The following SPAG17 variants were observed in gnomAD, a reference collection of about 807,000 sequenced individuals.
SPAG17 encodes sperm-associated antigen 17.
SPAG17 carries 169 observed loss-of-function variants against 273.6 expected under a neutral mutation model. The observed-to-expected ratio is 0.62, with a 90% CI of 0.55 to 0.70. The LOEUF is 0.70. Ranked by LOEUF, SPAG17 falls within the 30% of genes least tolerant of loss-of-function variation. SPAG17 has a pLI of 0.00. For synonymous variants in SPAG17, 825 were observed against 873.2 expected (o/e 0.94, Z 0.97); for missense variants, 2,557 against 2,627.8 (o/e 0.97, Z 0.59).
chr1:118,086,315 A>C (rs1050075823), intron 12 of SPAG17, among the ~76,000 whole-genome samples: 1 of 152,162 alleles, frequency 6.6e-6, no homozygotes, highest in Admixed American at 6.5e-5. Flanking sequence ...AAACTGCCAA[A>C]GTCTCATATA....
At chr1:118,074,484 A>G in intron 16 of SPAG17, 55 bp downstream of exon 16, 1 of 1,434,510 alleles carries the variant, frequency 7.0e-7, no homozygotes, top group Non-Finnish European at 9.8e-7. Context: ...ACTCCAAGTC[A>G]TGGTTTTTCT....
intron 10 of SPAG17, among the ~76,000 whole-genome samples, chr1:118,089,010 A>G (rs986245827): frequency 1.3e-5 from 2 of 152,224 alleles, no homozygotes; most frequent in Non-Finnish European, 2.9e-5. Flanking sequence ...GAACAAGACT[A>G]CATTGTTACT....
At chr1:117,998,580 G>C (rs1302599250) in intron 32 of SPAG17, among the ~76,000 whole-genome samples, 9 of 151,978 alleles carry the variant, frequency 5.9e-5, no homozygotes, top group Admixed American at 5.9e-4. Flanking sequence ...AGCTTTTTCT[G>C]ATTCTGTGAA....
chr1:118,086,039 G>A lies in SPAG17; in HGVS notation c.1645C>T (p.Gln549Ter), dbSNP rs368870563. ...AGTGGCAACTTGGACTGCATCTCCT[G>A]CTCAATTTGAACTGGATCAAAATTC... ...QKNFDPVQIE[Q>*]EMQSKLPLWE... Residue 549 changes from glutamine (Q) to a stop codon, truncating the protein, a stop_gained, in exon 13 of 49, where the codon CAG (glutamine) becomes TAG (stop). Transcript: ENST00000336338. LOFTEE classifies it high-confidence loss of function. The A allele has an allele frequency of 3.7e-6, 6 of 1,613,496 alleles. No homozygotes were observed. The highest frequency in any genetic ancestry group is 2.7e-5 in the African/African-American group (2 of 74,858).
chr1:118,103,487 T>C (rs1656197456), intron 4 of SPAG17, among the ~76,000 whole-genome samples: 1 of 152,074 alleles, frequency 6.6e-6, no homozygotes, highest in Non-Finnish European at 1.5e-5. Context: ...CAGGTATCAC[T>C]CACAAACACT....
chr1:118,023,054 A>G (rs1019914924), intron 28 of SPAG17, among the ~76,000 whole-genome samples: 3 of 152,186 alleles, frequency 2.0e-5, no homozygotes, highest in Non-Finnish European at 4.4e-5. Flanking sequence ...TAGGCATTAT[A>G]CCTGATGTGC....
rs115457765 is a variant in SPAG17, at chr1:117,958,467, A to C, written c.*1-4418T>G. 6.5e-3 allele frequency among the ~76,000 whole-genome samples: 989 copies of C among 152,300 alleles called. 8 individuals carry two copies. The highest frequency in any genetic ancestry group is 0.022 in the African/African-American group (932 of 41,562). On this transcript the variant is annotated intron_variant, in intron 48 of 48. Transcript: ENST00000336338. The stretch of plus-strand genomic sequence containing the variant: ...ATGGGTACTACCTGACAGGTATGGT[A>C]GGGTCATCAAGGATATCTTGGTACT...
chr1:118,145,041 C>T (rs764014293), intron 3 of SPAG17, among the ~76,000 whole-genome samples: 34 of 152,202 alleles, frequency 2.2e-4, no homozygotes, highest in Non-Finnish European at 4.4e-4. Flanking sequence ...TTTTAAAGCG[C>T]GGGATTGAAA....
At chr1:117,991,657 T>G (rs1292297340) in intron 36 of SPAG17, 129 bp from the exon 37 acceptor site, 5 of 538,640 alleles carry the variant, frequency 9.3e-6, no homozygotes, top group Non-Finnish European at 1.6e-5. Context: ...CAACAACTGT[T>G]TACTAGTCAA....
chr1:118,157,114 T>C (rs940046194), intron 1 of SPAG17, among the ~76,000 whole-genome samples: 1 of 152,170 alleles, frequency 6.6e-6, no homozygotes, highest in Non-Finnish European at 1.5e-5. Flanking sequence ...ACTAAGGAGA[T>C]GACAAACACT....
rs553732564 is a variant in SPAG17 at position 118,174,386 on chromosome 1, T to C, written c.87+10685A>G. Among the ~76,000 whole-genome samples, 9 of 152,230 alleles carry C rather than the reference T, an allele frequency of 5.9e-5. No homozygotes were observed. The East Asian group carries it at 1.5e-3, about 26-fold the overall frequency. Reference sequence around the variant, plus strand: ...AGACTTGATGAGACAGAGGAAATAATCAGTGAACTCGAAGACAGACCATTT... The same window carrying C: ...AGACTTGATGAGACAGAGGAAATAACCAGTGAACTCGAAGACAGACCATTT... On this transcript the variant is annotated intron_variant, in intron 1 of 48. Coordinates refer to ENST00000336338, the MANE Select transcript of SPAG17 (RefSeq NM_206996.4).
chr1:118,116,573 T>C (rs1249210297), intron 3 of SPAG17, among the ~76,000 whole-genome samples: 2 of 152,150 alleles, frequency 1.3e-5, no homozygotes, highest in Non-Finnish European at 2.9e-5. Flanking sequence ...ACCAGTCCAG[T>C]TGCTTTTGAC....
intron 23 of SPAG17, among the ~76,000 whole-genome samples, chr1:118,038,543 G>A (rs1201517384): frequency 6.6e-6 from 1 of 152,012 alleles, no homozygotes; most frequent in Non-Finnish European, 1.5e-5. Context: ...TAGGTGGGTG[G>A]GAAAATAAAA....
intron 43 of SPAG17, among the ~76,000 whole-genome samples, chr1:117,978,954 A>C (rs974400279): frequency 5.0e-4 from 74 of 148,148 alleles, no homozygotes; most frequent in African/African-American, 1.8e-3. Flanking sequence ...TGCAACCTCT[A>C]CCTCCCTGGT....
At chr1:118,183,615 G>A (rs1054355365) in intron 1 of SPAG17, among the ~76,000 whole-genome samples, 3 of 152,156 alleles carry the variant, frequency 2.0e-5, no homozygotes, top group Non-Finnish European at 2.9e-5. Context: ...GATCAAGAAA[G>A]CTGAATATTA....
chr1:118,140,392 T>A (rs1345388031), intron 3 of SPAG17, among the ~76,000 whole-genome samples: 1 of 152,224 alleles, frequency 6.6e-6, no homozygotes, highest in East Asian at 1.9e-4. Flanking sequence ...GTAATGGATA[T>A]GTTAACTAGC....
intron 17 of SPAG17, among the ~76,000 whole-genome samples, chr1:118,072,237 A>C (rs1235486159): frequency 6.6e-6 from 1 of 152,232 alleles, no homozygotes; most frequent in Non-Finnish European, 1.5e-5. Flanking sequence ...AGTCAATATA[A>C]AGATAGAATT....
chr1:117,961,766 G>A (rs1653134953), intron 48 of SPAG17: 1 of 152,292 alleles, frequency 6.6e-6, no homozygotes, highest in Non-Finnish European at 1.5e-5. Flanking sequence ...GAATAAATAA[G>A]TGAATTTTGG....
chr1:118,037,763 T>C (rs1649256793), intron 23 of SPAG17, among the ~76,000 whole-genome samples: 1 of 152,190 alleles, frequency 6.6e-6, no homozygotes, highest in Admixed American at 6.6e-5. Flanking sequence ...GCAACTAGGT[T>C]GATTCCATTT....
Sources: gnomAD v4.1 joint callset for allele counts (sites outside exome capture counted in the v4.1 genomes callset) on GRCh38, gnomAD v4.1.1 for gene constraint, MANE v1.5 for transcripts, NCBI Gene and HGNC (gene_info 2026-07-23, HGNC 2026-07-21) for gene names.